TINAG: variants seen among roughly 807,000 people sequenced by gnomAD.
The protein encoded by TINAG is tubulointerstitial nephritis antigen.
A neutral mutation model predicts 72.7 loss-of-function variants in TINAG; 83 were observed. The ratio of observed to expected loss-of-function variants is 1.14; its 90% CI spans 0.96 to 1.37. The LOEUF (loss-of-function observed/expected upper bound fraction) is 1.37. TINAG is among the 40% of genes most tolerant of loss of function. The pLI is 0.00. For missense variants in TINAG, 685 were observed against 576.6 expected, an observed-to-expected ratio of 1.19 and a Z score of -1.93; for synonymous variants, 234 against 189.9, an observed-to-expected ratio of 1.23 and a Z score of -1.91.
intron 4 of TINAG, among the ~76,000 whole-genome samples, chr6:54,342,594 T>G (rs1362816483): frequency 6.6e-6 from 1 of 152,084 alleles, no homozygotes; most frequent in East Asian, 1.9e-4. Context: ...GGTCTCGAAC[T>G]CCTGACCTTG....
chr6:54,343,264 TG>T lies in TINAG; in HGVS notation c.664del (p.Val222LeufsTer35), dbSNP rs1201430437. 2 of 1,585,486 alleles carry T rather than the reference TG, an allele frequency of 1.3e-6. No individual in the cohort carries two copies. Among genetic ancestry groups the T allele is most frequent in the Admixed American group, 1.7e-5 (1 of 58,026 alleles). Reference sequence around the variant, plus strand: ...CAACAACTGATCTTCCAGAGTTTTTTGTTGCTTCTTATAAATGGCCTGGATG... The same window carrying T: ...CAACAACTGATCTTCCAGAGTTTTTTTTGCTTCTTATAAATGGCCTGGATG... Reference protein sequence around the residue: ...PATTDLPEFFVASYKWPGWTH... With the variant: ...PATTDLPEFFXASYKWPGWTH... On this transcript the variant is annotated frameshift_variant, in exon 5 of 11. Coordinates refer to ENST00000259782, the MANE Select transcript of TINAG (RefSeq NM_014464.4). LOFTEE classifies it high-confidence loss of function.
intron 2 of TINAG, 134 bp downstream of exon 2, chr6:54,320,776 A>G: frequency 1.6e-6 from 1 of 607,992 alleles, no homozygotes; most frequent in Middle Eastern, 3.7e-4. Flanking sequence ...GACATCATGT[A>G]CCTGTAACTT....
In TINAG at chr6:54,308,681, G is replaced by T. The variant is rs1225682914; in HGVS notation, c.131G>T (p.Gly44Val). 7.4e-6 allele frequency: 12 copies of T among 1,613,810 alleles called. No homozygotes were observed. The highest frequency in any genetic ancestry group is 5.9e-6 in the Non-Finnish European group (7 of 1,179,848). ...ACTAGGAATCACACCGTTTTGCAAG[G>T]TACTCGATTCAAAAGAGCCATTTTC... is the stretch of plus-strand genomic sequence containing the variant. ...YFTRNHTVLQ[G>V]TRFKRAIFQG... The change falls in exon 1 of 11, where the codon GGT becomes GTT. Residue 44 changes from glycine (G) to valine (V), a missense_variant. Transcript: ENST00000259782.
At chr6:54,371,981 GTTTTTTTTTTT>G (rs576340253) in intron 9 of TINAG, among the ~76,000 whole-genome samples, 5 of 71,420 alleles carry the variant, frequency 7.0e-5, no homozygotes, top group Non-Finnish European at 7.9e-5. Context: ...TTCAAGTCAT[GTTTTTTTTTTT>G]TTTTTTTTTT....
chr6:54,329,824 T>C (rs952908930), intron 4 of TINAG, among the ~76,000 whole-genome samples: 6 of 152,102 alleles, frequency 3.9e-5, no homozygotes, highest in Non-Finnish European at 7.4e-5. Context: ...GTTGCAATCC[T>C]GATCTCTAAT....
At chr6:54,386,938 T>C (rs1764115515) in intron 10 of TINAG, among the ~76,000 whole-genome samples, 1 of 152,102 alleles carries the variant, frequency 6.6e-6, no homozygotes, top group Non-Finnish European at 1.5e-5. Flanking sequence ...AGAACAACTA[T>C]TTAAAAGACA....
chr6:54,380,553 G>C lies in TINAG; in HGVS notation c.1278G>C (p.Gly426=). The C allele has an allele frequency of 6.2e-7, 1 of 1,610,360 alleles. No individual in the cohort carries two copies. Among genetic ancestry groups the C allele is most frequent in the Non-Finnish European group, 8.5e-7 (1 of 1,177,814 alleles). ...TGWGTLRGAQ[G]QKEKFWIAAN... is the part of the protein sequence containing the mutation. Reference sequence around the variant, plus strand: ...GGGGCACACTGAGAGGAGCACAAGGGCAGAAAGAAAAATTTTGGGTATGTA... The same window carrying C: ...GGGGCACACTGAGAGGAGCACAAGGCCAGAAAGAAAAATTTTGGGTATGTA... The change falls in exon 10 of 11, where the codon GGG becomes GGC. Residue 426 remains glycine (G), a synonymous_variant. Transcript: ENST00000259782.
At chr6:54,374,009 T>A (rs2397157) in intron 9 of TINAG, among the ~76,000 whole-genome samples, 96 of 152,122 alleles carry the variant, frequency 6.3e-4, no homozygotes, top group Admixed American at 1.1e-3. Flanking sequence ...GTCAGCATAG[T>A]AAATACAGAA....
rs145958653 is a variant in TINAG, at chr6:54,310,205, C to T, written c.355+1300C>T. Among the ~76,000 whole-genome samples, 45 of 151,982 alleles carry T rather than the reference C, an allele frequency of 3.0e-4. No individual in the cohort carries two copies. The East Asian group carries it at 8.4e-3, about 28-fold the overall frequency. ...TCAAACAATCCTCCTCCCTCAGCCT[C>T]CTGAGTAGCCAGGACTACAGGTGTG... On this transcript the variant is annotated intron_variant, in intron 1 of 10. Transcript: ENST00000259782.
At chr6:54,389,166 A>T (rs1764178557) in intron 10 of TINAG, among the ~76,000 whole-genome samples, 1 of 152,062 alleles carries the variant, frequency 6.6e-6, no homozygotes, top group South Asian at 2.1e-4. Context: ...ACTGCTTCAT[A>T]CTATTTCATG....
intron 10 of TINAG, among the ~76,000 whole-genome samples, chr6:54,381,650 A>G (rs1562186761): frequency 6.6e-6 from 1 of 152,092 alleles, no homozygotes; most frequent in Non-Finnish European, 1.5e-5. Flanking sequence ...AATTTTTCTC[A>G]TTAAAATAAA....
At chr6:54,381,805 A>C (rs1378507737) in intron 10 of TINAG, among the ~76,000 whole-genome samples, 2 of 152,114 alleles carry the variant, frequency 1.3e-5, no homozygotes, top group Non-Finnish European at 2.9e-5. Flanking sequence ...TAATCTCATA[A>C]CGATGTAATA....
At chr6:54,379,268 A>C (rs1386021683) in intron 9 of TINAG, among the ~76,000 whole-genome samples, 1 of 152,218 alleles carries the variant, frequency 6.6e-6, no homozygotes, top group Non-Finnish European at 1.5e-5. Flanking sequence ...AATATAATGT[A>C]TTAAGAAGAA....
At chr6:54,381,203 G>T (rs1763939868) in intron 10 of TINAG, among the ~76,000 whole-genome samples, 1 of 148,368 alleles carries the variant, frequency 6.7e-6, no homozygotes, top group African/African-American at 2.5e-5. Flanking sequence ...TATAACATAT[G>T]CATGTGTCTT....
At chr6:54,387,653 T>C (rs13195267) in intron 10 of TINAG, among the ~76,000 whole-genome samples, 1 of 152,064 alleles carries the variant, frequency 6.6e-6, no homozygotes, top group Admixed American at 6.6e-5. Context: ...TAAACACATG[T>C]ATAAATTTAC....
At chr6:54,314,521 C>A (rs1784328511) in intron 1 of TINAG, among the ~76,000 whole-genome samples, 1 of 151,976 alleles carries the variant, frequency 6.6e-6, no homozygotes, top group African/African-American at 2.4e-5. Context: ...ATGTGTCTAG[C>A]TATGAATGGG....
chr6:54,359,067 G>T lies in TINAG; in HGVS notation c.1250+4431G>T, dbSNP rs78362060. Among the ~76,000 whole-genome samples, 1,383 of 151,912 alleles carry T rather than the reference G, an allele frequency of 9.1e-3. 146 individuals carry two copies. The East Asian group carries it at 0.23, about 25-fold the overall frequency. On this transcript the variant is annotated intron_variant, in intron 9 of 10. Transcript: ENST00000259782. ...AAAGGTTTTTTTGTTATTCAACAAA[G>T]TTGTGTTTTGAAATTATGACCATTT...
At chr6:54,361,069 C>T (rs1308569138) in intron 9 of TINAG, among the ~76,000 whole-genome samples, 1 of 150,484 alleles carries the variant, frequency 6.6e-6, no homozygotes, top group African/African-American at 2.4e-5. Flanking sequence ...TTTTGGGGTG[C>T]CGCAAACAGC....
intron 1 of TINAG, among the ~76,000 whole-genome samples, chr6:54,317,613 C>T (rs1784402669): frequency 6.6e-6 from 1 of 152,164 alleles, no homozygotes; most frequent in East Asian, 1.9e-4. Flanking sequence ...ATTACTCAGT[C>T]TTGGGTATGT....
Sources: allele counts gnomAD v4.1 joint callset (sites outside exome capture counted in the v4.1 genomes callset), GRCh38; gene constraint gnomAD v4.1.1; transcripts MANE v1.5; gene names NCBI Gene and HGNC (gene_info 2026-07-23, HGNC 2026-07-21).